Variants in POLA1 observed in about 807,000 individuals in gnomAD.
The protein encoded by POLA1 is DNA polymerase alpha 1, catalytic subunit, also known as DNA polymerase alpha catalytic subunit.
A neutral mutation model predicts 124.0 loss-of-function variants in POLA1; 15 were observed. The observed-to-expected ratio is 0.12, with a 90% confidence interval of 0.08 to 0.19. POLA1 has a LOEUF of 0.19. POLA1 is among the 10% of genes least tolerant of loss of function. POLA1 has a pLI of 1.00. For synonymous variants in POLA1, 408 were observed against 389.4 expected, an observed-to-expected ratio of 1.05 and a Z score of -0.56; for missense variants, 886 against 1,103.4, an observed-to-expected ratio of 0.80 and a Z score of 2.79.
Position 24,761,511 on chromosome X carries a change from A to C in POLA1, c.2964+12519A>C, listed in dbSNP as rs989873277. Among the ~76,000 whole-genome samples, 5 of 111,119 alleles carry C rather than the reference A, an allele frequency of 4.5e-5. No homozygotes were observed. The Admixed American group carries it at 4.8e-4, about 11-fold the overall frequency. On this transcript the variant is annotated intron_variant, in intron 26 of 36. Coordinates refer to ENST00000379068, the MANE Select transcript of POLA1 (RefSeq NM_001330360.2). ...GTGTGGTGGCTTAGAGAAAGGAATC[A>C]GCTCATGGGCTATTAATAATGTAAA...
intron 35 of POLA1, among the ~76,000 whole-genome samples, chrX:24,912,152 A>G (rs2047457677): frequency 1.8e-5 from 2 of 112,565 alleles, no homozygotes; most frequent in South Asian, 7.4e-4. Flanking sequence ...GATGATGGAA[A>G]AAGTGGATAT....
intron 36 of POLA1, among the ~76,000 whole-genome samples, chrX:24,977,911 G>T (rs762112073): frequency 1.8e-5 from 2 of 111,117 alleles, no homozygotes; most frequent in South Asian, 7.7e-4. Context: ...GGGGTTTGGG[G>T]TCTCTGTCTT....
chrX:24,723,131 C>T (rs757347552), intron 10 of POLA1, 24 bp from the exon 11 acceptor site: 101 of 1,036,075 alleles, frequency 9.7e-5, no homozygotes, highest in Non-Finnish European at 1.3e-4. Flanking sequence ...TTTCTTTTCT[C>T]GTGATTTTCA....
At chrX:24,859,421 C>T (rs754997093) in intron 34 of POLA1, among the ~76,000 whole-genome samples, 1 of 111,778 alleles carries the variant, frequency 8.9e-6, no homozygotes, top group East Asian at 2.8e-4. Flanking sequence ...CACACTTTCA[C>T]TCCTGCCATT....
intron 36 of POLA1, among the ~76,000 whole-genome samples, chrX:24,961,045 CCAGTGT>C (rs749891721): frequency 3.6e-5 from 4 of 112,311 alleles, no homozygotes; most frequent in Admixed American, 1.9e-4. Flanking sequence ...ACTTCTACTT[CCAGTGT>C]AATAGCATCA....
At position 24,888,000 on chromosome X, in the gene POLA1, C is replaced by T. The variant is rs901393713; in HGVS notation, c.4048-6C>T. The T allele has an allele frequency of 9.5e-6, 11 of 1,153,832 alleles. No individual in the cohort carries two copies. Among genetic ancestry groups the T allele is most frequent in the Admixed American group, 6.6e-5 (3 of 45,599 alleles). On this transcript the variant is annotated splice_region_variant and splice_polypyrimidine_tract_variant and intron_variant, in intron 34 of 36. Transcript: ENST00000379068. ...TGATAAGTCTGAAGTTTTCCCTTCT[C>T]TCCAGGGCTGGTTGATATGTGAAGA...
chrX:24,946,974 C>T (rs2047969168), intron 36 of POLA1, among the ~76,000 whole-genome samples: 1 of 111,316 alleles, frequency 9.0e-6, no homozygotes, highest in African/African-American at 3.3e-5. Flanking sequence ...ACTTAATTTC[C>T]CACCTTAATC....
chrX:24,750,400 T>G (rs1278530952), intron 26 of POLA1, among the ~76,000 whole-genome samples: 1 of 112,755 alleles, frequency 8.9e-6, no homozygotes, highest in Non-Finnish European at 1.9e-5. Context: ...AGGAACTGGA[T>G]TTTTAGATTG....
chrX:24,819,744 C>T (rs1046506805), intron 30 of POLA1, among the ~76,000 whole-genome samples: 1 of 110,986 alleles, frequency 9.0e-6, no homozygotes, highest in South Asian at 3.8e-4. Flanking sequence ...CTTATCAACC[C>T]GTCATCTAGG....
chrX:24,961,509 A>AT (rs1330972022), intron 36 of POLA1, among the ~76,000 whole-genome samples: 1 of 111,343 alleles, frequency 9.0e-6, no homozygotes, highest in African/African-American at 3.3e-5. Flanking sequence ...TTAAAATCAC[A>AT]TATACACAAA....
rs891987561 is a variant in POLA1 at position 24,950,572 on chromosome X, C to A, written c.4261+20023C>A. 2.7e-5 allele frequency among the ~76,000 whole-genome samples: 3 copies of A among 111,765 alleles called. No homozygotes were observed. The East Asian group carries it at 8.4e-4, about 31-fold the overall frequency. On this transcript the variant is annotated intron_variant, in intron 36 of 36. Coordinates refer to ENST00000379068, the MANE Select transcript of POLA1 (RefSeq NM_001330360.2). ...CCCAAGTGGCAAACATCTGTTCCAC[C>A]AGTAGTTCAACATATTAAAATATTG...
chrX:24,780,008 T>C (rs2045226810), intron 26 of POLA1, among the ~76,000 whole-genome samples: 1 of 112,373 alleles, frequency 8.9e-6, no homozygotes, highest in Non-Finnish European at 1.9e-5. Context: ...TTCAGTACCT[T>C]ACCACAATGC....
chrX:24,764,752 A>G (rs1932861533), intron 26 of POLA1, among the ~76,000 whole-genome samples: 1 of 111,536 alleles, frequency 9.0e-6, no homozygotes, highest in African/African-American at 3.3e-5. Flanking sequence ...CGTAAGGTGC[A>G]GTTATTACTA....
intron 35 of POLA1, among the ~76,000 whole-genome samples, chrX:24,920,495 T>C (rs1411537191): frequency 9.0e-6 from 1 of 111,609 alleles, no homozygotes; most frequent in Non-Finnish European, 1.9e-5. Context: ...AGCAAGTATG[T>C]CAGATTGAAA....
chrX:24,816,834 A>G (rs1355092525), intron 30 of POLA1, among the ~76,000 whole-genome samples: 1 of 111,495 alleles, frequency 9.0e-6, no homozygotes, highest in Non-Finnish European at 1.9e-5. Flanking sequence ...CCTCATATGA[A>G]TGATGACACA....
At chrX:24,941,616 G>T (rs1410706519) in intron 36 of POLA1, among the ~76,000 whole-genome samples, 1 of 112,112 alleles carries the variant, frequency 8.9e-6, no homozygotes, top group Admixed American at 9.4e-5. Flanking sequence ...CATATACAAA[G>T]AAAACCCATC....
At chrX:24,831,278 G>A (rs1475603913) in intron 32 of POLA1, among the ~76,000 whole-genome samples, 4 of 111,207 alleles carry the variant, frequency 3.6e-5, no homozygotes, top group Non-Finnish European at 7.5e-5. Context: ...AGTACAGATG[G>A]GTAGGGGTAG....
intron 36 of POLA1, among the ~76,000 whole-genome samples, chrX:24,932,708 T>A (rs1007019495): frequency 1.8e-5 from 2 of 111,929 alleles, no homozygotes; most frequent in African/African-American, 6.5e-5. Flanking sequence ...TATATGTGAC[T>A]GAAGGAACTT....
intron 31 of POLA1, among the ~76,000 whole-genome samples, chrX:24,824,180 TGAA>T: frequency 8.9e-6 from 1 of 112,230 alleles, no homozygotes; most frequent in Non-Finnish European, 1.9e-5. Context: ...CATGGGCACT[TGAA>T]GAAGACCAGC....
Sources: allele counts gnomAD v4.1 joint callset (sites outside exome capture counted in the v4.1 genomes callset), GRCh38; gene constraint gnomAD v4.1.1; transcripts MANE v1.5; gene names NCBI Gene and HGNC (gene_info 2026-07-23, HGNC 2026-07-21).